CLUL1: variants seen among roughly 807,000 people sequenced by gnomAD.
CLUL1 encodes the protein clusterin like 1, also known as clusterin-like protein 1.
In CLUL1, 43 loss-of-function variants were observed where a neutral mutation model predicts 49.4. The ratio of observed to expected loss-of-function variants is 0.87; its 90% CI spans 0.68 to 1.12. CLUL1 has a LOEUF of 1.12. CLUL1 is among the 50% of genes most tolerant of loss of function. CLUL1 has a pLI of 0.00. For missense variants in CLUL1, 486 were observed against 544.4 expected (o/e 0.89, Z 1.07); for synonymous variants, 192 against 184.9 (o/e 1.04, Z -0.31).
At chr18:629,616 C>T (rs1289370481) in intron 6 of CLUL1, among the ~76,000 whole-genome samples, 3 of 152,230 alleles carry the variant, frequency 2.0e-5, no homozygotes, top group Non-Finnish European at 4.4e-5. Context: ...CTCACACGCA[C>T]CCTCCCCAGC....
In CLUL1 at chr18:641,425, C is replaced by G; in HGVS notation, c.1093C>G (p.Arg365Gly). 1 of 1,614,142 alleles carries G rather than the reference C, an allele frequency of 6.2e-7. No homozygotes were observed. The highest frequency in any genetic ancestry group is 1.3e-5 in the African/African-American group (1 of 75,032). ...GTATGGCCAGATTCTCCAGATGACC[C>G]GGAAGCACTTGGAGGACACCGCCTA... ...QQYGQILQMT[R>G]KHLEDTAYLV... Residue 365 changes from arginine (R) to glycine (G), a missense_variant, in exon 8 of 10, where the codon CGG becomes GGG. Transcript: ENST00000692774.
intron 9 of CLUL1, among the ~76,000 whole-genome samples, chr18:649,080 C>A (rs968903082): frequency 1.3e-5 from 2 of 152,030 alleles, no homozygotes; most frequent in African/African-American, 2.4e-5. Flanking sequence ...GACTGAATTT[C>A]TTTTTTGTGC....
chr18:640,366 T>G (rs936276135), intron 7 of CLUL1, among the ~76,000 whole-genome samples: 2 of 151,730 alleles, frequency 1.3e-5, no homozygotes, highest in Non-Finnish European at 2.9e-5. Flanking sequence ...GCTATGATCA[T>G]GCCATTGCAC....
chr18:604,406 G>A (rs1055969293), intron 1 of CLUL1, among the ~76,000 whole-genome samples: 2 of 152,216 alleles, frequency 1.3e-5, no homozygotes, highest in Non-Finnish European at 2.9e-5. Flanking sequence ...TTGTATGAAT[G>A]AATGGAATAG....
rs2072990125 is a variant in CLUL1, at chr18:607,002, G to A, written c.-111G>A. The A allele has an allele frequency of 3.0e-6, 2 of 659,664 alleles. No homozygotes were observed. The highest frequency in any genetic ancestry group is 1.8e-5 in the African/African-American group (1 of 54,916). 40.9% of individuals were successfully genotyped at this position (659,664 alleles called of 1,614,324 possible). A position where few individuals can be genotyped will look rare whatever the true frequency, so the allele number is the denominator to read the frequency against. On this transcript the variant is annotated 5_prime_UTR_variant, in exon 2 of 10. Coordinates refer to ENST00000692774, the MANE Select transcript of CLUL1 (RefSeq NM_001393344.1). ...GAGTTGCGTCCCTCTCGGTTGCCAGGCTGGAGTTCAGTGGCATGTTCATAG... is the reference window on the plus strand; with the variant it reads ...GAGTTGCGTCCCTCTCGGTTGCCAGACTGGAGTTCAGTGGCATGTTCATAG...
intron 9 of CLUL1, 36 bp downstream of exon 9, chr18:645,133 C>T (rs1403700123): frequency 1.4e-6 from 2 of 1,461,878 alleles, no homozygotes; most frequent in African/African-American, 2.9e-5. Context: ...GCCTTGTTGA[C>T]AGGAATAGTT....
Position 618,860 on chromosome 18 carries a change from A to C in CLUL1, c.107-353A>C, listed in dbSNP as rs544573921. Among the ~76,000 whole-genome samples the C allele has an allele frequency of 6.6e-6, 1 of 152,292 alleles. No individual in the cohort carries two copies. The highest frequency in any genetic ancestry group is 2.1e-4 in the South Asian group (1 of 4,824). On this transcript the variant is annotated intron_variant, in intron 3 of 9. Transcript: ENST00000692774. This position sits in a 1 kb window ranked among gnomAD's most constrained non-coding sequence, Gnocchi z 4.2. ...CTGTGTTTGAGGTCCCCAGCTGGGC[A>C]CTTAATATAAATTATGAAGAAAATG...
intron 1 of CLUL1, among the ~76,000 whole-genome samples, chr18:600,192 A>G (rs2072785443): frequency 6.7e-6 from 1 of 148,278 alleles, no homozygotes; most frequent in Non-Finnish European, 1.5e-5. Context: ...CGAACAATCC[A>G]TTTGCCTTTT....
chr18:641,586 A>T (rs1419982358), intron 8 of CLUL1, 45 bp downstream of exon 8: 1 of 1,458,216 alleles, frequency 6.9e-7, no homozygotes, highest in South Asian at 1.2e-5. Flanking sequence ...ACACGTGCAT[A>T]CCTTGATTTC....
At chr18:635,962 C>G (rs1173477332) in intron 7 of CLUL1, among the ~76,000 whole-genome samples, 1 of 152,090 alleles carries the variant, frequency 6.6e-6, no homozygotes, top group Admixed American at 6.5e-5. Flanking sequence ...GTCTCGAACT[C>G]CTGACCTCGT....
intron 7 of CLUL1, among the ~76,000 whole-genome samples, chr18:637,068 C>G (rs1432353781): frequency 1.3e-5 from 2 of 151,506 alleles, no homozygotes; most frequent in Non-Finnish European, 2.9e-5. Flanking sequence ...CTCAGTGCAA[C>G]CTCCGCCTTC....
chr18:609,708 C>T (rs867118379), intron 2 of CLUL1, among the ~76,000 whole-genome samples: 5 of 151,864 alleles, frequency 3.3e-5, no homozygotes, highest in Middle Eastern at 3.2e-3. Flanking sequence ...CTTGTAATCC[C>T]AGCTACTCGG....
intron 6 of CLUL1, among the ~76,000 whole-genome samples, chr18:632,881 G>C (rs925271884): frequency 1.3e-5 from 2 of 152,108 alleles, no homozygotes; most frequent in Non-Finnish European, 2.9e-5. Flanking sequence ...AGGGCCAGGG[G>C]CGGTGGCTCA....
chr18:625,940 A>C (rs1413197691), intron 5 of CLUL1, among the ~76,000 whole-genome samples: 1 of 152,156 alleles, frequency 6.6e-6, no homozygotes, highest in Non-Finnish European at 1.5e-5. Context: ...ACACCAGAAT[A>C]TGGTGTAATC....
At position 607,066 on chromosome 18, in the gene CLUL1, C is replaced by T; in HGVS notation, c.-47C>T. 1 of 702,022 alleles carries T rather than the reference C, an allele frequency of 1.4e-6. No individual in the cohort carries two copies. Among genetic ancestry groups the T allele is most frequent in the South Asian group, 1.5e-5 (1 of 67,542 alleles). The allele number at this position is 702,022 out of a possible 1,614,324, so 43.5% of individuals were successfully genotyped here. ...CAAATTCCTGGGTTCAAGTGACCCT[C>T]CTACCTCAGCCCCATGAGGACCTGG... is the stretch of plus-strand genomic sequence containing the variant. On this transcript the variant is annotated 5_prime_UTR_variant, in exon 2 of 10. Coordinates refer to ENST00000692774, the MANE Select transcript of CLUL1 (RefSeq NM_001393344.1).
Position 618,751 on chromosome 18 carries a change from G to A in CLUL1, c.107-462G>A, listed in dbSNP as rs774682671. Among the ~76,000 whole-genome samples the A allele has an allele frequency of 2.0e-5, 3 of 152,112 alleles. No homozygotes were observed. The highest frequency in any genetic ancestry group is 4.4e-5 in the Non-Finnish European group (3 of 68,028). ...TAAGACACGTCCATTGAGTTATTAAGGAAGCTCGTATTACATGGGATACTT... is the reference window on the plus strand; with the variant it reads ...TAAGACACGTCCATTGAGTTATTAAAGAAGCTCGTATTACATGGGATACTT... On this transcript the variant is annotated intron_variant, in intron 3 of 9. Transcript: ENST00000692774. The surrounding 1 kb of genome is among the most constrained non-coding windows in gnomAD (Gnocchi z 4.2).
chr18:613,110 CTTATG>C (rs2073187953), intron 2 of CLUL1: 1 of 392,390 alleles, frequency 2.5e-6, no homozygotes, highest in East Asian at 3.8e-5. Context: ...ACTTTTGCTA[CTTATG>C]TTATATGAAA....
intron 9 of CLUL1, among the ~76,000 whole-genome samples, chr18:645,599 T>G (rs1046505871): frequency 6.6e-6 from 1 of 150,826 alleles, no homozygotes; most frequent in Non-Finnish European, 1.5e-5. Flanking sequence ...ATTGAGACCA[T>G]CCTGGATAAC....
Position 616,256 on chromosome 18 carries a change from G to T in CLUL1, c.-13-1732G>T, listed in dbSNP as rs568096963. Among the ~76,000 whole-genome samples, 11 of 152,220 alleles carry T rather than the reference G, an allele frequency of 7.2e-5. No homozygotes were observed. The East Asian group carries it at 1.7e-3, about 24-fold the overall frequency. On this transcript the variant is annotated intron_variant, in intron 2 of 9. Coordinates refer to ENST00000692774, the MANE Select transcript of CLUL1 (RefSeq NM_001393344.1). Reference sequence around the variant, plus strand: ...TATGCTAGACTTTATCACTTTAGTTGGTTATATCGCTTCATATACTAACAG... The same window carrying T: ...TATGCTAGACTTTATCACTTTAGTTTGTTATATCGCTTCATATACTAACAG...
Sources: allele counts gnomAD v4.1 joint callset (sites outside exome capture counted in the v4.1 genomes callset), GRCh38; gene constraint gnomAD v4.1.1; non-coding constraint Gnocchi (gnomAD v3.1); transcripts MANE v1.5; gene names NCBI Gene and HGNC (gene_info 2026-07-23, HGNC 2026-07-21).